CAMSAP1: variants seen among roughly 807,000 people sequenced by gnomAD.
The protein encoded by CAMSAP1 is calmodulin regulated spectrin associated protein 1.
In CAMSAP1, 58 loss-of-function variants were observed where a neutral mutation model predicts 143.5. The ratio of observed to expected loss-of-function variants is 0.40; its 90% CI spans 0.33 to 0.50. CAMSAP1 has a LOEUF of 0.50. CAMSAP1 is among the 20% of genes least tolerant of loss of function. CAMSAP1 has a pLI of 0.45. For synonymous variants in CAMSAP1, 945 were observed against 859.3 expected, an observed-to-expected ratio of 1.10 and a Z score of -1.74; for missense variants, 1,969 against 2,115.7, an observed-to-expected ratio of 0.93 and a Z score of 1.36.
At position 135,823,116 on chromosome 9, in the gene CAMSAP1, G is replaced by T; in HGVS notation, c.1545C>A (p.Asn515Lys). 2 of 1,614,020 alleles carry T rather than the reference G, an allele frequency of 1.2e-6. No individual in the cohort carries two copies. The highest frequency in any genetic ancestry group is 1.7e-6 in the Non-Finnish European group (2 of 1,179,892). The change falls in exon 11 of 17, where the codon AAC becomes AAA. Residue 515 changes from asparagine to lysine, a missense_variant. This residue lies in a region of CAMSAP1 where 1,390 missense variants were observed against 1,420.8 expected (regional missense o/e 0.98). Transcript: ENST00000389532. ...ASNIVNLTPQ[N>K]QPHPTATKSH... ...TCTTCGTGGCCGTGGGGTGTGGCTG[G>T]TTCTGTGGGGTCAGATTAACAATGT... is the stretch of plus-strand genomic sequence containing the variant.
rs374883879 is a variant in CAMSAP1 at position 135,818,367 on chromosome 9, C to T, written c.4168+41G>A. The stretch of plus-strand genomic sequence containing the variant: ...CTGAAGAACGTGAGGCCGCCGCCCG[C>T]GGAAGGAAGCGCTGCCCGCGTGAGG... On this transcript the variant is annotated intron_variant, in intron 13 of 16. Transcript: ENST00000389532. The surrounding 1 kb of genome is among the most constrained non-coding windows in gnomAD (Gnocchi z 7.7). 2.6e-5 allele frequency: 40 copies of T among 1,518,772 alleles called. No individual in the cohort carries two copies. The African/African-American group carries it at 4.1e-4, about 16-fold the overall frequency. The allele number at this position is 1,518,772 out of a possible 1,614,324, so 94.1% of individuals were successfully genotyped here. A position where few individuals can be genotyped will look rare whatever the true frequency, so the allele number is the denominator to read the frequency against.
At chr9:135,851,981 C>T (rs900102779) in intron 5 of CAMSAP1, among the ~76,000 whole-genome samples, 2 of 152,222 alleles carry the variant, frequency 1.3e-5, no homozygotes, top group Non-Finnish European at 1.5e-5. Context: ...TCCAGTCCCA[C>T]CCACAGCACT....
At chr9:135,899,096 C>T (rs1379096225) in intron 1 of CAMSAP1, among the ~76,000 whole-genome samples, 2 of 152,202 alleles carry the variant, frequency 1.3e-5, no homozygotes, top group Admixed American at 1.3e-4. Flanking sequence ...AGAGGAAACT[C>T]ATCTACAATA....
intron 1 of CAMSAP1, among the ~76,000 whole-genome samples, chr9:135,894,639 T>C (rs1165414409): frequency 2.6e-5 from 4 of 152,146 alleles, no homozygotes; most frequent in African/African-American, 7.2e-5. Flanking sequence ...GGTCAGACTA[T>C]CACCAGAACC....
rs76597223 is a variant in CAMSAP1, at chr9:135,870,858, G to A, written c.586-4322C>T. ...ACTAGTACATTTTAACAATAGTGAA[G>A]TTTATGGCATGTAAATTATATCTCA... On this transcript the variant is annotated intron_variant, in intron 3 of 16. Coordinates refer to ENST00000389532, the MANE Select transcript of CAMSAP1 (RefSeq NM_015447.4). Among the ~76,000 whole-genome samples, 1,289 of 152,208 alleles carry A rather than the reference G, an allele frequency of 8.5e-3. 18 individuals are homozygous for A. The highest frequency in any genetic ancestry group is 0.029 in the African/African-American group (1,215 of 41,508).
intron 7 of CAMSAP1, among the ~76,000 whole-genome samples, chr9:135,832,710 A>G (rs1835894226): frequency 6.6e-6 from 1 of 152,240 alleles, no homozygotes; most frequent in Non-Finnish European, 1.5e-5. Flanking sequence ...CAAAATCAAC[A>G]TGAAAAAACT....
chr9:135,836,421 G>A (rs1564429880), intron 7 of CAMSAP1: 13 of 980,486 alleles, frequency 1.3e-5, no homozygotes, highest in Non-Finnish European at 1.6e-5. Flanking sequence ...CCGTTCTACA[G>A]ACACGTCACC....
intron 3 of CAMSAP1, among the ~76,000 whole-genome samples, chr9:135,878,368 G>A (rs1437717098): frequency 2.1e-5 from 3 of 145,704 alleles, no homozygotes; most frequent in African/African-American, 5.4e-5. Flanking sequence ...TGCAGAGGAC[G>A]ACACAGAGCC....
At position 135,822,565 on chromosome 9, in the gene CAMSAP1, C is replaced by G; in HGVS notation, c.2096G>C (p.Gly699Ala). 2 of 1,613,768 alleles carry G rather than the reference C, an allele frequency of 1.2e-6. No individual in the cohort carries two copies. Among genetic ancestry groups the G allele is most frequent in the Non-Finnish European group, 1.7e-6 (2 of 1,179,852 alleles). The change falls in exon 11 of 17, where the codon GGC becomes GCC. Residue 699 changes from glycine to alanine, a missense_variant. Around this residue, in one of 4 missense-constraint regions of CAMSAP1, gnomAD observed 1,390 missense variants for 1,420.8 expected, o/e 0.98. Transcript: ENST00000389532. This position sits in a 1 kb window ranked among gnomAD's most constrained non-coding sequence, Gnocchi z 6.1. Reference protein sequence around the residue: ...DPFPQGPSTDGFFLHVGRADE... With the variant: ...DPFPQGPSTDAFFLHVGRADE... Reference sequence around the variant, plus strand: ...GGCCCTGCCTACATGAAGGAAGAAGCCATCCGTGGATGGTCCCTGGGGGAA... The same window carrying G: ...GGCCCTGCCTACATGAAGGAAGAAGGCATCCGTGGATGGTCCCTGGGGGAA...
At position 135,882,954 on chromosome 9, in the gene CAMSAP1, G is replaced by A. The variant is rs1331296351; in HGVS notation, c.285C>T (p.Ile95=). ...AGGCGGCCACCTGGTCCCCTTTCAG[G>A]ATGAGGCTGCAGACACGGCAGTACA... is the stretch of plus-strand genomic sequence containing the variant. ...SELYCRVCSL[I]LKGDQVAALQ... is the part of the protein sequence containing the mutation. The change falls in exon 2 of 17, where the codon ATC becomes ATT. Residue 95 remains isoleucine (I), a synonymous_variant. Transcript: ENST00000389532. This position sits in a 1 kb window ranked among gnomAD's most constrained non-coding sequence, Gnocchi z 4.9. The A allele has an allele frequency of 1.9e-6, 3 of 1,551,778 alleles. No individual in the cohort carries two copies. The highest frequency in any genetic ancestry group is 2.4e-5 in the East Asian group (1 of 40,926).
chr9:135,886,002 G>A (rs528881813), intron 1 of CAMSAP1, among the ~76,000 whole-genome samples: 6 of 151,928 alleles, frequency 3.9e-5, no homozygotes, highest in African/African-American at 4.8e-5. Context: ...CAACTACTGC[G>A]AGAGCTGGAT....
In CAMSAP1 at chr9:135,808,726, C is replaced by T. The variant is rs1834933134; in HGVS notation, c.*2583G>A. ...GTCCATCTTTGGTGCACGCACACAG[C>T]CATGTGCACGCACACGTGTGGGTAG... On this transcript the variant is annotated 3_prime_UTR_variant, in exon 17 of 17. Coordinates refer to ENST00000389532, the MANE Select transcript of CAMSAP1 (RefSeq NM_015447.4). 6.6e-6 allele frequency: 1 copy of T among 152,190 alleles called. No individual in the cohort carries two copies. 9.4% of individuals were successfully genotyped at this position (152,190 alleles called of 1,614,324 possible).
At chr9:135,823,899 T>C (rs1278440485) in intron 10 of CAMSAP1, 51 bp downstream of exon 10, 1 of 1,435,814 alleles carries the variant, frequency 7.0e-7, no homozygotes, top group East Asian at 2.5e-5. Flanking sequence ...AGAACTGCTG[T>C]TTAGTATAAA....
intron 5 of CAMSAP1, among the ~76,000 whole-genome samples, chr9:135,853,152 C>T (rs1836837304): frequency 6.6e-6 from 1 of 152,160 alleles, no homozygotes; most frequent in Admixed American, 6.5e-5. Context: ...AGTACCTTGC[C>T]CCTGAGGTGA....
At chr9:135,846,167 T>G (rs535284030) in intron 7 of CAMSAP1, among the ~76,000 whole-genome samples, 1 of 149,938 alleles carries the variant, frequency 6.7e-6, no homozygotes, top group Non-Finnish European at 1.5e-5. Context: ...AGCATGGTAC[T>G]GGTACCAAAA....
intron 7 of CAMSAP1, among the ~76,000 whole-genome samples, chr9:135,849,115 A>C (rs984037380): frequency 1.3e-5 from 2 of 152,272 alleles, no homozygotes; most frequent in African/African-American, 2.4e-5. Flanking sequence ...AATATCAGTA[A>C]GTAGAAAACA....
intron 1 of CAMSAP1, among the ~76,000 whole-genome samples, chr9:135,889,490 G>A (rs541699534): frequency 3.3e-5 from 5 of 152,318 alleles, no homozygotes; most frequent in South Asian, 4.1e-4. Context: ...GCAGAAGCCC[G>A]AACGAAACAA....
intron 4 of CAMSAP1, among the ~76,000 whole-genome samples, chr9:135,864,798 G>A (rs1588485539): frequency 1.3e-5 from 2 of 152,154 alleles, no homozygotes; most frequent in Non-Finnish European, 2.9e-5. Flanking sequence ...CCCACTCCAT[G>A]CAGGCCGAGG....
At chr9:135,901,598 G>C (rs1192118836) in intron 1 of CAMSAP1, among the ~76,000 whole-genome samples, 4 of 152,104 alleles carry the variant, frequency 2.6e-5, no homozygotes, top group South Asian at 4.1e-4. Context: ...CTGGGCAACA[G>C]AGCAAGACCC....
Sources: allele counts gnomAD v4.1 joint callset (sites outside exome capture counted in the v4.1 genomes callset), GRCh38; gene constraint gnomAD v4.1.1; regional missense constraint gnomAD v4.1.1; non-coding constraint Gnocchi (gnomAD v3.1); transcripts MANE v1.5; gene names NCBI Gene and HGNC (gene_info 2026-07-23, HGNC 2026-07-21).